VGLL4: variants seen among roughly 807,000 people sequenced by gnomAD.
VGLL4 encodes vestigial like family member 4, also known as transcription cofactor vestigial-like protein 4.
Under a neutral mutation model 21.0 loss-of-function variants are expected in VGLL4, and 7 were observed. The ratio of observed to expected loss-of-function variants is 0.33; its 90% CI spans 0.19 to 0.63. The LOEUF is 0.63. Ranked by LOEUF, VGLL4 falls within the 20% of genes least tolerant of loss-of-function variation. VGLL4 has a pLI of 0.78. For synonymous variants in VGLL4, 222 were observed against 173.2 expected (o/e 1.28, Z -2.21); for missense variants, 394 against 425.7 (o/e 0.93, Z 0.66).
At chr3:11,711,405 G>C (rs1020899998) in intron 1 of VGLL4, among the ~76,000 whole-genome samples, 1 of 151,702 alleles carries the variant, frequency 6.6e-6, no homozygotes. Flanking sequence ...TCGACTAAAA[G>C]TACAAAAAAT....
At chr3:11,674,011 CAAAAAAAAAAAAAA>C (rs11293628) in intron 2 of VGLL4, among the ~76,000 whole-genome samples, 12 of 56,878 alleles carry the variant, frequency 2.1e-4, no homozygotes, top group Admixed American at 5.5e-4. Context: ...GACTTTGTCT[CAAAAAAAAAAAAAA>C]AAAAAAAAAA....
chr3:11,642,949 G>A (rs1299710726), intron 1 of VGLL4, among the ~76,000 whole-genome samples: 1 of 152,098 alleles, frequency 6.6e-6, no homozygotes, highest in Non-Finnish European at 1.5e-5. Context: ...GACATTCTCC[G>A]CTGTTTGGGA....
At chr3:11,702,935 G>A in intron 2 of VGLL4, 1 of 1,577,646 alleles carries the variant, frequency 6.3e-7, no homozygotes, top group Non-Finnish European at 8.6e-7. Flanking sequence ...GATCATTAAA[G>A]CACTTAAGCT....
At chr3:11,689,394 T>C (rs2076494914) in intron 2 of VGLL4, among the ~76,000 whole-genome samples, 1 of 152,180 alleles carries the variant, frequency 6.6e-6, no homozygotes. Context: ...GACCGCTAAT[T>C]TGGTCTTTAA....
intron 2 of VGLL4, among the ~76,000 whole-genome samples, chr3:11,587,829 T>C (rs114856254): frequency 7.4e-5 from 11 of 147,976 alleles, no homozygotes; most frequent in Non-Finnish European, 1.2e-4. Context: ...AAAAAAATCA[T>C]TTCATCCACA....
intron 1 of VGLL4, among the ~76,000 whole-genome samples, chr3:11,617,078 T>C (rs1313126784): frequency 1.3e-5 from 2 of 152,076 alleles, no homozygotes; most frequent in African/African-American, 4.8e-5. Context: ...AGAGATGCAC[T>C]TTTTATTTTT....
rs745550697 is a variant in VGLL4 at position 11,601,950 on chromosome 3, G to C, written c.155C>G (p.Thr52Ser). The change falls in exon 2 of 5, where the codon ACC becomes AGC. Residue 52 changes from threonine (T) to serine (S), a missense_variant. Transcript: ENST00000430365. ...PVASALSSHRTGPPPISPSKR... is the reference protein window; with the variant it reads ...PVASALSSHRSGPPPISPSKR... Reference sequence around the variant, plus strand: ...GCTGGGGCTGATTGGGGGAGGGCCGGTGCGGTGACTGCTGAGGGCAGAGGC... The same window carrying C: ...GCTGGGGCTGATTGGGGGAGGGCCGCTGCGGTGACTGCTGAGGGCAGAGGC... The C allele has an allele frequency of 1.2e-6, 2 of 1,612,962 alleles. No individual in the cohort carries two copies. Among genetic ancestry groups the C allele is most frequent in the Admixed American group, 3.3e-5 (2 of 59,858 alleles).
intron 3 of VGLL4, among the ~76,000 whole-genome samples, chr3:11,562,829 C>T (rs1334298344): frequency 1.4e-4 from 22 of 152,248 alleles, no homozygotes; most frequent in Admixed American, 1.4e-3. Context: ...TGGCCCCTGG[C>T]TTTGTCCTCA....
intron 1 of VGLL4, chr3:11,604,619 A>G (rs911038571): frequency 1.3e-6 from 1 of 798,534 alleles, no homozygotes; most frequent in Non-Finnish European, 1.5e-6. Context: ...GTTCTGGGAG[A>G]TAAGACACTT....
intron 1 of VGLL4, among the ~76,000 whole-genome samples, chr3:11,627,623 T>C (rs1004892250): frequency 2.0e-5 from 3 of 149,616 alleles, no homozygotes; most frequent in African/African-American, 4.9e-5. Flanking sequence ...AAAAAATCAA[T>C]GTTCTGAGAA....
chr3:11,626,550 T>C, intron 1 of VGLL4: 3 of 397,136 alleles, frequency 7.6e-6, no homozygotes, highest in Non-Finnish European at 1.5e-5. Context: ...ACCATGACTA[T>C]TCCCTGAACA....
At chr3:11,675,950 G>A (rs1028608712) in intron 2 of VGLL4, among the ~76,000 whole-genome samples, 19 of 152,080 alleles carry the variant, frequency 1.2e-4, no homozygotes, top group African/African-American at 2.2e-4. Context: ...GATATACATT[G>A]CCTTCAACAG....
Position 11,719,003 on chromosome 3 carries a change from G to A in VGLL4, c.-14+1391C>T, listed in dbSNP as rs948535348. ...AAATGTCTCAGGGTGATGAATCAAA[G>A]GAGACTTCAAGCAAAACAAAAAGCG... On this transcript the variant is annotated intron_variant, in intron 1 of 5. Transcript: ENST00000273038. This position sits in a 1 kb window ranked among gnomAD's most constrained non-coding sequence, Gnocchi z 4.0. Among the ~76,000 whole-genome samples the A allele has an allele frequency of 7.2e-5, 11 of 152,216 alleles. No homozygotes were observed. The highest frequency in any genetic ancestry group is 1.2e-4 in the Non-Finnish European group (8 of 68,044).
In VGLL4 at chr3:11,675,588, G is replaced by C. The variant is rs145292335; in HGVS notation, c.64+27383C>G. ...AAAAATATAAAAGTGTAATATATAA[G>C]TTATCCATTCCATAGACCTTTACAG... On this transcript the variant is annotated intron_variant, in intron 2 of 5. Coordinates refer to the VGLL4 transcript ENST00000273038. 6.5e-3 allele frequency among the ~76,000 whole-genome samples: 982 copies of C among 152,178 alleles called. 5 individuals carry two copies. Among genetic ancestry groups the C allele is most frequent in the African/African-American group, 0.02 (835 of 41,530 alleles).
chr3:11,686,305 A>G (rs2076447671), intron 2 of VGLL4, among the ~76,000 whole-genome samples: 1 of 152,214 alleles, frequency 6.6e-6, no homozygotes. Flanking sequence ...TGGCCTATAC[A>G]TACAATGGAA....
At position 11,676,304 on chromosome 3, in the gene VGLL4, G is replaced by A. The variant is rs537934570; in HGVS notation, c.64+26667C>T. On this transcript the variant is annotated intron_variant, in intron 2 of 5. Transcript: ENST00000273038. ...CGGGAGGCTGAGGCAGAAGAATGGC[G>A]TGAACCCAGGAGGCGGAGCTTGCAG... Among the ~76,000 whole-genome samples the A allele has an allele frequency of 1.3e-4, 20 of 151,878 alleles. No homozygotes were observed. The South Asian group carries it at 3.7e-3, about 28-fold the overall frequency.
chr3:11,718,687 G>C (rs940988133), intron 1 of VGLL4, among the ~76,000 whole-genome samples: 7 of 152,028 alleles, frequency 4.6e-5, no homozygotes, highest in African/African-American at 1.7e-4. Flanking sequence ...TATAGAACAA[G>C]ATATTAAAAC....
At chr3:11,684,040 G>A (rs2076412144) in intron 2 of VGLL4, among the ~76,000 whole-genome samples, 3 of 151,916 alleles carry the variant, frequency 2.0e-5, no homozygotes, top group African/African-American at 4.8e-5. Flanking sequence ...GTAAAACCCC[G>A]TCTCTACTAA....
chr3:11,593,730 G>A (rs1283967258), intron 2 of VGLL4, among the ~76,000 whole-genome samples: 4 of 152,124 alleles, frequency 2.6e-5, no homozygotes, highest in Non-Finnish European at 4.4e-5. Context: ...TCGGGACATC[G>A]GGCTCCAGCA....
Sources: gnomAD v4.1 joint callset for allele counts (sites outside exome capture counted in the v4.1 genomes callset) on GRCh38, gnomAD v4.1.1 for gene constraint, Gnocchi (gnomAD v3.1) non-coding constraint, MANE v1.5 for transcripts, NCBI Gene and HGNC (gene_info 2026-07-23, HGNC 2026-07-21) for gene names.